FTO: variants seen among roughly 807,000 people sequenced by gnomAD.
FTO encodes the protein FTO alpha-ketoglutarate dependent dioxygenase, also known as alpha-ketoglutarate-dependent dioxygenase FTO.
FTO carries 47 observed loss-of-function variants against 63.9 expected under a neutral mutation model. The ratio of observed to expected loss-of-function variants is 0.74; its 90% CI spans 0.58 to 0.94. The LOEUF (loss-of-function observed/expected upper bound fraction) is 0.94. Among genes scored for constraint, FTO ranks in the 40% least tolerant of loss-of-function variants. The pLI is 0.00. For missense variants in FTO, 562 were observed against 618.1 expected (o/e 0.91, Z 0.96); for synonymous variants, 207 against 224.4 (o/e 0.92, Z 0.69).
intron 1 of FTO, among the ~76,000 whole-genome samples, chr16:53,754,739 C>T (rs764097056): frequency 6.6e-6 from 1 of 152,190 alleles, no homozygotes; most frequent in Non-Finnish European, 1.5e-5. Context: ...ATGAAAATAC[C>T]TCAACAACGA....
intron 8 of FTO, among the ~76,000 whole-genome samples, chr16:54,024,772 C>A (rs2084678645): frequency 6.6e-6 from 1 of 152,012 alleles, no homozygotes; most frequent in Non-Finnish European, 1.5e-5. Flanking sequence ...TAGTGTCTGC[C>A]ACAAAGGAAA....
chr16:54,040,899 G>A (rs763941272), intron 8 of FTO, among the ~76,000 whole-genome samples: 9 of 152,176 alleles, frequency 5.9e-5, no homozygotes, highest in Non-Finnish European at 1.3e-4. Flanking sequence ...CCTAAGGTGT[G>A]TGTTTTATAT....
intron 8 of FTO, among the ~76,000 whole-genome samples, chr16:54,105,206 C>T (rs536803846): frequency 6.6e-6 from 1 of 152,240 alleles, no homozygotes; most frequent in South Asian, 2.1e-4. Flanking sequence ...ACTGTAGATA[C>T]TTATGCTGTA....
At chr16:53,936,855 C>A (rs190219567) in intron 8 of FTO, among the ~76,000 whole-genome samples, 1 of 152,234 alleles carries the variant, frequency 6.6e-6, no homozygotes, top group Non-Finnish European at 1.5e-5. Context: ...ACGGAGCCGC[C>A]GCAGCTGGCA....
chr16:53,796,483 T>C (rs980119608), intron 1 of FTO, among the ~76,000 whole-genome samples: 4 of 152,288 alleles, frequency 2.6e-5, no homozygotes, highest in African/African-American at 9.6e-5. Flanking sequence ...TGGAGAATGA[T>C]GAGAATGTAA....
chr16:53,845,451 C>T (rs543682865), intron 4 of FTO, among the ~76,000 whole-genome samples: 5 of 152,234 alleles, frequency 3.3e-5, no homozygotes, highest in African/African-American at 1.2e-4. Context: ...CTCTTTAGGC[C>T]ATTCTGCCAC....
chr16:54,010,346 C>T (rs1363604669), intron 8 of FTO, among the ~76,000 whole-genome samples: 1 of 152,154 alleles, frequency 6.6e-6, no homozygotes, highest in East Asian at 1.9e-4. Context: ...TTGGAGACTG[C>T]AGTTAGCCAA....
At chr16:53,959,861 G>T (rs1037500263) in intron 8 of FTO, among the ~76,000 whole-genome samples, 28 of 152,198 alleles carry the variant, frequency 1.8e-4, no homozygotes, top group Admixed American at 6.5e-4. Flanking sequence ...CCCAAAAAAG[G>T]CTTCCCAAAT....
chr16:54,063,921 CCTT>C (rs1294576169), intron 8 of FTO: 6 of 152,016 alleles, frequency 3.9e-5, no homozygotes, highest in South Asian at 2.1e-4. Context: ...TCTGTCAAGC[CCTT>C]CTTCTGACTG....
chr16:53,866,493 C>G (rs139647548), intron 4 of FTO, among the ~76,000 whole-genome samples: 5 of 152,176 alleles, frequency 3.3e-5, no homozygotes, highest in South Asian at 2.1e-4. Flanking sequence ...CAACAGTGAA[C>G]ATATTTGGGC....
chr16:53,855,649 C>A (rs1293354941), intron 4 of FTO, among the ~76,000 whole-genome samples: 1 of 152,092 alleles, frequency 6.6e-6, no homozygotes, highest in Non-Finnish European at 1.5e-5. Flanking sequence ...GAAATTCCTT[C>A]TCAAACAGAT....
At chr16:53,854,230 C>T (rs2079905957) in intron 4 of FTO, among the ~76,000 whole-genome samples, 1 of 151,854 alleles carries the variant, frequency 6.6e-6, no homozygotes, top group African/African-American at 2.4e-5. Context: ...AGATGCATAG[C>T]TTGCAAATAT....
chr16:53,996,728 G>A (rs2083939395), intron 8 of FTO, among the ~76,000 whole-genome samples: 1 of 152,146 alleles, frequency 6.6e-6, no homozygotes, highest in Non-Finnish European at 1.5e-5. Flanking sequence ...GACAGTCATG[G>A]CAGAAGGAGA....
chr16:54,075,187 T>C (rs918816835), intron 8 of FTO, among the ~76,000 whole-genome samples: 18 of 152,310 alleles, frequency 1.2e-4, no homozygotes, highest in African/African-American at 4.3e-4. Context: ...TGGCCCTTTT[T>C]CATAGAAGAT....
chr16:53,953,520 G>A (rs1019416579), intron 8 of FTO, among the ~76,000 whole-genome samples: 3 of 152,194 alleles, frequency 2.0e-5, no homozygotes, highest in Admixed American at 1.3e-4. Flanking sequence ...ACCCAGACCA[G>A]TTTGAATTTC....
intron 1 of FTO, among the ~76,000 whole-genome samples, chr16:53,777,061 CT>C (rs1350583137): frequency 1.3e-5 from 2 of 152,090 alleles, no homozygotes; most frequent in African/African-American, 4.8e-5. Context: ...CTTATTATTT[CT>C]TTGTGGTGAG....
chr16:54,078,139 C>T (rs1219589845), intron 8 of FTO, among the ~76,000 whole-genome samples: 3 of 151,992 alleles, frequency 2.0e-5, no homozygotes, highest in Non-Finnish European at 4.4e-5. Context: ...CTAACAAAAT[C>T]TTCCGTTGGT....
chr16:53,966,190 T>C (rs1053590521), intron 8 of FTO, among the ~76,000 whole-genome samples: 6 of 152,318 alleles, frequency 3.9e-5, no homozygotes, highest in African/African-American at 1.2e-4. Context: ...TTAATGAGGA[T>C]GTATATTTAA....
intron 4 of FTO, among the ~76,000 whole-genome samples, chr16:53,860,609 A>C (rs1250553972): frequency 1.3e-5 from 2 of 152,090 alleles, no homozygotes; most frequent in African/African-American, 2.4e-5. Context: ...AGGAAGAGAG[A>C]GTGAGGGGGG....
Sources: gnomAD v4.1 joint callset for allele counts (sites outside exome capture counted in the v4.1 genomes callset) on GRCh38, gnomAD v4.1.1 for gene constraint, MANE v1.5 for transcripts, NCBI Gene and HGNC (gene_info 2026-07-23, HGNC 2026-07-21) for gene names.